The following LRRC75B variants were observed in gnomAD, a reference collection of about 807,000 sequenced individuals.
LRRC75B encodes leucine rich repeat containing 75B.
A neutral mutation model predicts 16.5 loss-of-function variants in LRRC75B; 20 were observed. That is an observed-to-expected ratio of 1.21 (90% CI 0.85 to 1.76). The LOEUF (loss-of-function observed/expected upper bound fraction) is 1.76. Ranked by LOEUF, LRRC75B falls within the 40% of genes most tolerant of loss-of-function variation. The pLI is 0.00. For synonymous variants in LRRC75B, 199 were observed against 198.1 expected (o/e 1.00, Z -0.04); for missense variants, 406 against 417.0 (o/e 0.97, Z 0.23).
intron 2 of LRRC75B, 91 bp from the exon 3 acceptor site, chr22:24,588,420 G>GCTCACACACACAC: frequency 9.9e-7 from 1 of 1,006,396 alleles, no homozygotes; most frequent in Non-Finnish European, 1.5e-6. Flanking sequence ...CCAAGTGTGT[G>GCTCACACACACAC]TGTGAGCACA....
intron 1 of LRRC75B, 52 bp from the exon 2 acceptor site, chr22:24,590,001 A>T: frequency 6.7e-7 from 1 of 1,503,378 alleles, no homozygotes; most frequent in Non-Finnish European, 8.9e-7. Context: ...TCCCATCTCG[A>T]GGCACCACCC....
At chr22:24,586,515 A>T in intron 3 of LRRC75B, 104 bp from the exon 4 acceptor site, 2 of 1,208,896 alleles carry the variant, frequency 1.7e-6, no homozygotes, top group Non-Finnish European at 2.3e-6. Context: ...CAGTCTGGCA[A>T]AGCCAGATTC....
chr22:24,586,300 A>G lies in LRRC75B; in HGVS notation c.534T>C (p.His178=). The G allele has an allele frequency of 6.2e-7, 1 of 1,614,014 alleles. No homozygotes were observed. Among genetic ancestry groups the G allele is most frequent in the Non-Finnish European group, 8.5e-7 (1 of 1,180,048 alleles). The change falls in exon 4 of 4, where the codon CAT becomes CAC. Residue 178 remains histidine (H), a synonymous_variant. Transcript: ENST00000318753. ...GGTCCAGCACCGCCAGCACAGCACC[A>G]TGGCTGCTCAGGTAGCGTGTGATGT... is the stretch of plus-strand genomic sequence containing the variant. ...VQHITRYLSS[H]GAVLAVLDLS...
chr22:24,591,166 G>A (rs1177983276), intron 1 of LRRC75B, among the ~76,000 whole-genome samples: 1 of 152,234 alleles, frequency 6.6e-6, no homozygotes, highest in East Asian at 1.9e-4. Context: ...CGCAACCTCC[G>A]CCTCCCGGGT....
At position 24,588,068 on chromosome 22, in the gene LRRC75B, T is replaced by C; in HGVS notation, c.422+146A>G. The C allele has an allele frequency of 4.6e-6, 3 of 659,086 alleles. No homozygotes were observed. In the East Asian group the frequency reaches 8.2e-5, roughly 18 times the overall value. The allele number at this position is 659,086 out of a possible 1,614,324, so 40.8% of individuals were successfully genotyped here. ...ATCTGCTACCACGGGCCAGGCTGAC[T>C]TCCAGGGTAGGGCCCTCATGCGGAC... On this transcript the variant is annotated intron_variant, in intron 3 of 3. Transcript: ENST00000318753.
rs761782726 is a variant in LRRC75B, at chr22:24,588,254, G to A, written c.382C>T (p.Gln128Ter). 1 of 1,613,580 alleles carries A rather than the reference G, an allele frequency of 6.2e-7. No individual in the cohort carries two copies. Among genetic ancestry groups the A allele is most frequent in the Non-Finnish European group, 8.5e-7 (1 of 1,179,860 alleles). The change falls in exon 3 of 4, where the codon CAG becomes TAG. Residue 128 changes from glutamine (Q) to a stop codon, truncating the protein, a stop_gained. Transcript: ENST00000318753. LOFTEE classifies it low-confidence loss of function (END_TRUNC). ...CTCTGGCGCAGGCTGGACCCTTGCTGCTGCTTCGAGTGAGGGGTGAGGTGG... is the reference window on the plus strand; with the variant it reads ...CTCTGGCGCAGGCTGGACCCTTGCTACTGCTTCGAGTGAGGGGTGAGGTGG... Reference protein sequence around the residue: ...IYHLTPHSKQQQGSSLRQRKT... With the variant: ...IYHLTPHSKQ
At chr22:24,588,929 G>C in intron 2 of LRRC75B, 1 of 1,003,782 alleles carries the variant, frequency 1.0e-6, no homozygotes, top group Non-Finnish European at 1.2e-6. Flanking sequence ...AATCCGAGGT[G>C]CGCGGCCCAC....
chr22:24,589,259 T>C (rs555294298), intron 2 of LRRC75B: 148 of 1,267,474 alleles, frequency 1.2e-4, no homozygotes, highest in Non-Finnish European at 1.5e-4. Flanking sequence ...CATGGGGTTC[T>C]GGGCAGCTGT....
intron 2 of LRRC75B, 96 bp from the exon 3 acceptor site, chr22:24,588,425 A>T: frequency 1.0e-6 from 1 of 967,996 alleles, no homozygotes; most frequent in Non-Finnish European, 1.6e-6. Context: ...TGTGTGTGTG[A>T]GCACAGTCAT....
chr22:24,589,294 C>T, intron 2 of LRRC75B: 1 of 1,224,226 alleles, frequency 8.2e-7, no homozygotes, highest in Non-Finnish European at 1.1e-6. Flanking sequence ...AGGTGGCAAA[C>T]TCCACCCCAG....
rs1363458795 is a variant in LRRC75B at position 24,589,910 on chromosome 22, A to G, written c.217T>C (p.Tyr73His). 2 of 1,612,116 alleles carry G rather than the reference A, an allele frequency of 1.2e-6. No homozygotes were observed. Among genetic ancestry groups the G allele is most frequent in the African/African-American group, 2.7e-5 (2 of 75,004 alleles). Residue 73 changes from tyrosine (Y) to histidine (H), a missense_variant, in exon 2 of 4, where the codon TAC (tyrosine) becomes CAC (histidine). Physicochemically the swap from Tyr to His is moderately conservative, Grantham distance 83. Coordinates refer to ENST00000318753, the MANE Select transcript of LRRC75B (RefSeq NM_207644.3). ...LERTLLPDIL[Y>H]RDVAFLNPVD... ...GGGTTGAGGAAGGCCACATCTCTGT[A>G]GAGGATATCAGGAAGGAGGGTCCTC...
At chr22:24,588,686 G>T (rs1161914466) in intron 2 of LRRC75B, 7 of 1,104,296 alleles carry the variant, frequency 6.3e-6, no homozygotes, top group Middle Eastern at 4.3e-4. Flanking sequence ...TGCCACAGGG[G>T]GAGGAGGCCA....
chr22:24,592,926 G>C lies in LRRC75B; in HGVS notation c.114C>G (p.Ile38Met), dbSNP rs1161562128. 4.8e-6 allele frequency: 6 copies of C among 1,252,040 alleles called. No homozygotes were observed. The African/African-American group carries it at 7.8e-5, about 16-fold the overall frequency. 77.6% of individuals were successfully genotyped at this position (1,252,040 alleles called of 1,614,324 possible). A position where few individuals can be genotyped will look rare whatever the true frequency, so the allele number is the denominator to read the frequency against. The change falls in exon 1 of 4, where the codon ATC (isoleucine) becomes ATG (methionine). Residue 38 changes from isoleucine to methionine, a missense_variant. Transcript: ENST00000318753. ...YERRVRWLRE[I>M]QSTLRERRPE... Reference sequence around the variant, plus strand: ...GCCGCCGCTCGCGGAGCGTGGACTGGATCTCGCGGAGCCACCGCACCCGGC... The same window carrying C: ...GCCGCCGCTCGCGGAGCGTGGACTGCATCTCGCGGAGCCACCGCACCCGGC...
At chr22:24,592,496 C>G (rs1002278377) in intron 1 of LRRC75B, 4 of 447,790 alleles carry the variant, frequency 8.9e-6, no homozygotes, top group Non-Finnish European at 1.9e-5. Flanking sequence ...TGCCACTCCT[C>G]CCGGGCCCCT....
Position 24,593,036 on chromosome 22 carries a change from C to A in LRRC75B, c.4G>T (p.Gly2Trp). The change falls in exon 1 of 4, where the codon GGG (glycine) becomes TGG (tryptophan). Residue 2 changes from glycine to tryptophan, a missense_variant. Gly to Trp is a radical substitution (Grantham distance 184). Transcript: ENST00000318753. ...CCGGCCCGCCGGCCCAGCCGCGCCC[C>A]CATGGCCGCCGCGCGATGGTCGCCG... is the stretch of plus-strand genomic sequence containing the variant. Reference protein sequence around the residue: MGARLGRRAGPE... With the variant: MWARLGRRAGPE... 2.9e-6 allele frequency: 3 copies of A among 1,048,608 alleles called. No homozygotes were observed. Among genetic ancestry groups the A allele is most frequent in the Non-Finnish European group, 3.4e-6 (3 of 872,308 alleles). 65.0% of individuals were successfully genotyped at this position (1,048,608 alleles called of 1,614,324 possible).
intron 1 of LRRC75B, among the ~76,000 whole-genome samples, chr22:24,590,332 A>G (rs576573143): frequency 1.3e-5 from 2 of 152,232 alleles, no homozygotes; most frequent in South Asian, 2.1e-4. Context: ...GGGTCTCACT[A>G]TGTTGCCCAG....
At chr22:24,592,816 G>GACCCCAA in intron 1 of LRRC75B, 47 bp downstream of exon 1, 1 of 1,268,578 alleles carries the variant, frequency 7.9e-7, no homozygotes, top group Admixed American at 4.1e-5. Flanking sequence ...CAGACCCCCA[G>GACCCCAA]ACCCTCCCTG....
chr22:24,592,897 T>C lies in LRRC75B; in HGVS notation c.143A>G (p.Glu48Gly), dbSNP rs2045615908. Residue 48 changes from glutamate to glycine, a missense_variant, in exon 1 of 4, where the codon GAG (glutamate) becomes GGG (glycine). Physicochemically the swap from Glu to Gly is moderately conservative, Grantham distance 98 (BLOSUM62 -2). Transcript: ENST00000318753. ...GAGGCGCAGCAGCTGCCGGGCGCGC[T>C]CCGGCCGCCGCTCGCGGAGCGTGGA... is the stretch of plus-strand genomic sequence containing the variant. ...IQSTLRERRP[E>G]RARQLLRLLR... 3.1e-6 allele frequency: 4 copies of C among 1,279,582 alleles called. No individual in the cohort carries two copies. Among genetic ancestry groups the C allele is most frequent in the South Asian group, 2.4e-5 (1 of 41,874 alleles). The allele number at this position is 1,279,582 out of a possible 1,614,324, so 79.3% of individuals were successfully genotyped here.
chr22:24,585,955 G>A lies in LRRC75B; in HGVS notation c.879C>T (p.Thr293=), dbSNP rs773028516. 23 of 1,609,638 alleles carry A rather than the reference G, an allele frequency of 1.4e-5. No homozygotes were observed. Among genetic ancestry groups the A allele is most frequent in the Middle Eastern group, 3.3e-4 (2 of 6,020 alleles). Residue 293 remains threonine, a synonymous_variant, in exon 4 of 4, where the codon ACC becomes ACT. Transcript: ENST00000318753. ...EPEGSAAGAT[T]PASTWDSTAA... The stretch of plus-strand genomic sequence containing the variant: ...CTGTGGAGTCCCAGGTGGAGGCAGG[G>A]GTGGTGGCCCCGGCCGCACTGCCCT...
Sources: allele counts gnomAD v4.1 joint callset (sites outside exome capture counted in the v4.1 genomes callset), GRCh38; gene constraint gnomAD v4.1.1; transcripts MANE v1.5; gene names NCBI Gene and HGNC (gene_info 2026-07-23, HGNC 2026-07-21).